Variants in ASIC2 observed in about 807,000 individuals in gnomAD.
ASIC2 encodes the protein acid sensing ion channel subunit 2, also known as acid-sensing ion channel 2.
Under a neutral mutation model 57.3 loss-of-function variants are expected in ASIC2, and 25 were observed. That is an observed-to-expected ratio of 0.44 (90% CI 0.32 to 0.61). The LOEUF is 0.61. Among genes scored for constraint, ASIC2 ranks in the 20% least tolerant of loss-of-function variants. The pLI, the probability that ASIC2 is intolerant of heterozygous loss-of-function variation, is 0.06. For missense variants in ASIC2, 641 were observed against 738.1 expected (o/e 0.87, Z 1.52); for synonymous variants, 319 against 307.5 (o/e 1.04, Z -0.39).
chr17:33,609,419 C>A (rs1905324982), intron 1 of ASIC2, among the ~76,000 whole-genome samples: 1 of 152,168 alleles, frequency 6.6e-6, no homozygotes, highest in Non-Finnish European at 1.5e-5. Flanking sequence ...GTTCCTCGAG[C>A]ACACCAAGGA....
intron 1 of ASIC2, among the ~76,000 whole-genome samples, chr17:33,145,122 GTTC>G (rs1597601913): frequency 6.6e-6 from 1 of 152,216 alleles, no homozygotes; most frequent in African/African-American, 2.4e-5. Context: ...ACCCTTCTAT[GTTC>G]TTCTTTGATG....
At chr17:33,255,509 A>G (rs994725439) in intron 1 of ASIC2, among the ~76,000 whole-genome samples, 24 of 150,098 alleles carry the variant, frequency 1.6e-4, no homozygotes, top group Non-Finnish European at 1.3e-4. Flanking sequence ...ATATGCTTAC[A>G]TATGTGTGCG....
At chr17:33,586,437 A>T (rs957420108) in intron 1 of ASIC2, among the ~76,000 whole-genome samples, 10 of 152,148 alleles carry the variant, frequency 6.6e-5, no homozygotes, top group African/African-American at 2.4e-4. Flanking sequence ...ATTGATCATT[A>T]AAAAAATGTA....
intron 1 of ASIC2, among the ~76,000 whole-genome samples, chr17:33,112,342 C>T (rs1331699725): frequency 1.3e-5 from 2 of 152,162 alleles, no homozygotes; most frequent in African/African-American, 4.8e-5. Flanking sequence ...TCTGGGAGGT[C>T]CTGTTCACTT....
At chr17:33,898,220 CTTTTTTTTTTTTTTTTTTTTTT>C (rs771624171) in intron 1 of ASIC2, among the ~76,000 whole-genome samples, 8 of 66,196 alleles carry the variant, frequency 1.2e-4, no homozygotes, top group Non-Finnish European at 1.7e-4. Context: ...CATGTATAAT[CTTTTTTTTTTTTTTTTTTTTTT>C]TTTTTTTTTT....
At chr17:33,992,208 C>T (rs1906020826) in intron 1 of ASIC2, among the ~76,000 whole-genome samples, 1 of 152,190 alleles carries the variant, frequency 6.6e-6, no homozygotes, top group African/African-American at 2.4e-5. Context: ...TGATCTAACG[C>T]TGCATAGACT....
chr17:33,176,422 G>A (rs147149764), intron 1 of ASIC2, among the ~76,000 whole-genome samples: 43 of 152,304 alleles, frequency 2.8e-4, no homozygotes, highest in South Asian at 2.7e-3. Flanking sequence ...ATGGCTCACT[G>A]CAGCCTTGAC....
intron 1 of ASIC2, among the ~76,000 whole-genome samples, chr17:34,111,307 A>ATATAT (rs1010533420): frequency 9.4e-5 from 14 of 148,288 alleles, no homozygotes; most frequent in East Asian, 3.9e-4. Context: ...TATAATGTAT[A>ATATAT]TATATTATAT....
chr17:33,831,454 C>T (rs943304523), intron 1 of ASIC2, among the ~76,000 whole-genome samples: 1 of 152,042 alleles, frequency 6.6e-6, no homozygotes, highest in Non-Finnish European at 1.5e-5. Context: ...CTGGGCTACC[C>T]CGAAGACCAA....
At chr17:33,105,887 T>C (rs1035122106) in intron 2 of ASIC2, among the ~76,000 whole-genome samples, 10 of 152,106 alleles carry the variant, frequency 6.6e-5, no homozygotes, top group Non-Finnish European at 1.2e-4. Context: ...ACCCTAGAGA[T>C]CTGTGGAACT....
chr17:33,550,951 G>A (rs1915733904), intron 1 of ASIC2, among the ~76,000 whole-genome samples: 1 of 152,184 alleles, frequency 6.6e-6, no homozygotes, highest in South Asian at 2.1e-4. Context: ...GAAAAGATAT[G>A]TTGAAGCTCT....
chr17:33,494,586 A>G (rs1295803049), intron 1 of ASIC2, among the ~76,000 whole-genome samples: 1 of 152,200 alleles, frequency 6.6e-6, no homozygotes, highest in East Asian at 1.9e-4. Flanking sequence ...AAGACCATTC[A>G]GAAAACCCTC....
chr17:33,380,202 C>T (rs567730288), intron 1 of ASIC2, among the ~76,000 whole-genome samples: 46 of 132,880 alleles, frequency 3.5e-4, no homozygotes, highest in African/African-American at 1.2e-3. Context: ...GGTGACATCG[C>T]GCCACTGCAC....
intron 1 of ASIC2, among the ~76,000 whole-genome samples, chr17:33,260,261 C>A (rs1288759175): frequency 1.3e-5 from 2 of 152,168 alleles, no homozygotes; most frequent in Non-Finnish European, 2.9e-5. Flanking sequence ...GGCCACACTG[C>A]CCATTTCCTG....
chr17:33,923,997 C>T (rs1164030655), intron 1 of ASIC2, among the ~76,000 whole-genome samples: 2 of 152,240 alleles, frequency 1.3e-5, no homozygotes, highest in Non-Finnish European at 2.9e-5. Flanking sequence ...TTCACTGCCA[C>T]CAGCTGTGTG....
At chr17:34,119,265 T>C (rs1911521594) in intron 1 of ASIC2, among the ~76,000 whole-genome samples, 1 of 152,052 alleles carries the variant, frequency 6.6e-6, no homozygotes, top group Non-Finnish European at 1.5e-5. Context: ...CCGTCTGAGC[T>C]TGCCATGCTA....
chr17:33,944,021 G>C (rs1916252017), intron 1 of ASIC2, among the ~76,000 whole-genome samples: 1 of 152,050 alleles, frequency 6.6e-6, no homozygotes, highest in Non-Finnish European at 1.5e-5. Flanking sequence ...ATCCTAGATA[G>C]GATTTGTGTC....
chr17:33,058,487 A>AAAC (rs1567729620), intron 3 of ASIC2, among the ~76,000 whole-genome samples: 4 of 151,482 alleles, frequency 2.6e-5, no homozygotes, highest in African/African-American at 9.7e-5. Flanking sequence ...AAAAAAAAAA[A>AAAC]AAAACAAAAC....
At chr17:33,946,082 T>G (rs1048938478) in intron 1 of ASIC2, among the ~76,000 whole-genome samples, 7 of 152,138 alleles carry the variant, frequency 4.6e-5, no homozygotes, top group African/African-American at 1.7e-4. Context: ...ATGCACCTCC[T>G]AGGTGGTGAA....
Sources: allele counts gnomAD v4.1 joint callset (sites outside exome capture counted in the v4.1 genomes callset), GRCh38; gene constraint gnomAD v4.1.1; transcripts MANE v1.5; gene names NCBI Gene and HGNC (gene_info 2026-07-23, HGNC 2026-07-21).